The following CCDC197 variants were observed in gnomAD, a reference collection of about 807,000 sequenced individuals.
CCDC197 encodes coiled-coil domain containing 197.
In CCDC197, 24 loss-of-function variants were observed where a neutral mutation model predicts 13.4. The ratio of observed to expected loss-of-function variants is 1.80; its 90% CI spans 1.30 to 2.53. The LOEUF is 2.53. CCDC197 is among the 30% of genes most tolerant of loss of function. The probability of loss-of-function intolerance (pLI) is 0.00; values close to 1 mark genes in which losing one functional copy is unlikely to be tolerated. For missense variants in CCDC197, 255 were observed against 148.8 expected (o/e 1.71, Z -3.71); for synonymous variants, 99 against 55.5 (o/e 1.78, Z -3.48).
At chr14:93,990,023 C>G (rs1246251655) in intron 1 of CCDC197, among the ~76,000 whole-genome samples, 1 of 152,210 alleles carries the variant, frequency 6.6e-6, no homozygotes, top group Non-Finnish European at 1.5e-5. Flanking sequence ...CCTCTGTTCT[C>G]TATTCCCATT....
At position 93,999,645 on chromosome 14, in the gene CCDC197, T is replaced by C. The variant is rs1890431206; in HGVS notation, c.167T>C (p.Val56Ala). 2.6e-6 allele frequency: 2 copies of C among 780,848 alleles called. No individual in the cohort carries two copies. Among genetic ancestry groups the C allele is most frequent in the Non-Finnish European group, 4.8e-6 (2 of 418,118 alleles). The allele number at this position is 780,848 out of a possible 1,614,324, so 48.4% of individuals were successfully genotyped here. ...HKLFEDYLIK[V>A]LEKIPEGCTG... Reference sequence around the variant, plus strand: ...CTTTTTGAAGACTATCTGATTAAGGTCCTTGAGAAAATCCCCGAGGGTATG... The same window carrying C: ...CTTTTTGAAGACTATCTGATTAAGGCCCTTGAGAAAATCCCCGAGGGTATG... The change falls in exon 3 of 7, where the codon GTC (valine) becomes GCC (alanine). Residue 56 changes from valine to alanine, a missense_variant. By Grantham distance (64) the Val-to-Ala change is moderately conservative. Transcript: ENST00000636493.
chr14:94,010,257 G>A (rs1192937728), downstream of CCDC197, among the ~76,000 whole-genome samples: 1 of 152,210 alleles, frequency 6.6e-6, no homozygotes, highest in African/African-American at 2.4e-5. Flanking sequence ...AGGCTAGAGT[G>A]TAGTGGCACA....
Position 94,001,204 on chromosome 14 carries a change from G to A in CCDC197, c.247G>A (p.Gly83Arg), listed in dbSNP as rs377183179. 1.3e-5 allele frequency: 10 copies of A among 780,776 alleles called. No homozygotes were observed. The highest frequency in any genetic ancestry group is 2.2e-5 in the Non-Finnish European group (9 of 418,062). 48.4% of individuals were successfully genotyped at this position (780,776 alleles called of 1,614,324 possible). ...VLVEATVKHY[G>R]KLFTASQDTQ... is the part of the protein sequence containing the mutation. ...GGTGGAGGCCACGGTGAAGCACTACGGGAAGCTCTTCACAGCCAGCCAGGA... is the reference window on the plus strand; with the variant it reads ...GGTGGAGGCCACGGTGAAGCACTACAGGAAGCTCTTCACAGCCAGCCAGGA... The change falls in exon 4 of 7, where the codon GGG (glycine) becomes AGG (arginine). Residue 83 changes from glycine (G) to arginine (R), a missense_variant. Physicochemically the swap from Gly to Arg is moderately radical, Grantham distance 125 (BLOSUM62 -2). Transcript: ENST00000636493.
chr14:93,988,730 AGAGGGGTTGGGAGAGGGGTGGAAG>A (rs1405702529), intron 1 of CCDC197, among the ~76,000 whole-genome samples: 33 of 56,470 alleles, frequency 5.8e-4, no homozygotes, highest in African/African-American at 2.5e-3. Context: ...AGGGGATAGG[AGAGGGGTTGGGAGAGGGGTGGAAG>A]GAGGGGTTGG....
upstream of CCDC197, among the ~76,000 whole-genome samples, chr14:93,993,894 C>T (rs1890244270): frequency 6.6e-6 from 1 of 152,202 alleles, no homozygotes; most frequent in Admixed American, 6.5e-5. Flanking sequence ...GACCTGCGCC[C>T]CTCACCGCTG....
upstream of CCDC197, among the ~76,000 whole-genome samples, chr14:93,993,714 G>A (rs1890242382): frequency 6.6e-6 from 1 of 152,220 alleles, no homozygotes; most frequent in Non-Finnish European, 1.5e-5. Flanking sequence ...CCAGCCCCAG[G>A]AGTCCTTGTT....
chr14:93,990,761 A>G (rs1890196010), intron 1 of CCDC197, among the ~76,000 whole-genome samples: 1 of 152,228 alleles, frequency 6.6e-6, no homozygotes, highest in Non-Finnish European at 1.5e-5. Context: ...TTGGGGCAGA[A>G]AAAGGCCACA....
At chr14:94,010,131 C>T (rs563657123), downstream of CCDC197, among the ~76,000 whole-genome samples, 2 of 152,198 alleles carry the variant, frequency 1.3e-5, no homozygotes, top group Non-Finnish European at 2.9e-5. Flanking sequence ...GAAAGATACA[C>T]GGAAGAAGGA....
In CCDC197 at chr14:94,003,422, T is replaced by A. The variant is rs922182544; in HGVS notation, c.498+68T>A. 1.8e-5 allele frequency: 12 copies of A among 669,788 alleles called. No homozygotes were observed. The highest frequency in any genetic ancestry group is 3.3e-5 in the Non-Finnish European group (12 of 364,554). The allele number at this position is 669,788 out of a possible 1,614,324, so 41.5% of individuals were successfully genotyped here. A position where few individuals can be genotyped will look rare whatever the true frequency, so the allele number is the denominator to read the frequency against. The stretch of plus-strand genomic sequence containing the variant: ...GAAGGGGAAGCTGATGTCTCCATCA[T>A]CAATCCCAAAACACACAGACACATA... On this transcript the variant is annotated intron_variant, in intron 5 of 6. Transcript: ENST00000636493. The surrounding 1 kb of genome is among the most constrained non-coding windows in gnomAD (Gnocchi z 5.0).
In CCDC197 at chr14:94,001,340, G is replaced by A. The variant is rs926193382; in HGVS notation, c.366+17G>A. 20 of 750,454 alleles carry A rather than the reference G, an allele frequency of 2.7e-5. No individual in the cohort carries two copies. The highest frequency in any genetic ancestry group is 4.7e-5 in the Non-Finnish European group (19 of 401,490). 46.5% of individuals were successfully genotyped at this position (750,454 alleles called of 1,614,324 possible). On this transcript the variant is annotated intron_variant, in intron 4 of 6. Coordinates refer to ENST00000636493, the MANE Select transcript of CCDC197 (RefSeq NM_001351596.2). ...CTCATGTTGGTAACAGCTGCTTGAA[G>A]TCTGCTCCATTCCCCGTGGCCCAGG... is the stretch of plus-strand genomic sequence containing the variant.
At chr14:94,008,944 G>A (rs932459323), downstream of CCDC197, 6 of 597,376 alleles carry the variant, frequency 1.0e-5, no homozygotes, top group East Asian at 1.7e-4. Flanking sequence ...AGGGTCCTGG[G>A]CTCAGCTAGG....
At chr14:93,996,719 G>C (rs1232754200), upstream of CCDC197, among the ~76,000 whole-genome samples, 1 of 152,042 alleles carries the variant, frequency 6.6e-6, no homozygotes, top group African/African-American at 2.4e-5. Flanking sequence ...GAGGGGGAAG[G>C]CCAGGCCAGC....
chr14:94,008,995 T>C (rs1244456972), downstream of CCDC197: 12 of 554,214 alleles, frequency 2.2e-5, no homozygotes, highest in Non-Finnish European at 3.9e-5. Flanking sequence ...TTGGCAGGGA[T>C]CCAGGTAAGG....
At chr14:94,011,408 C>T (rs1010649954), downstream of CCDC197, among the ~76,000 whole-genome samples, 4 of 152,228 alleles carry the variant, frequency 2.6e-5, no homozygotes, top group Non-Finnish European at 2.9e-5. Context: ...GGCCACCAGT[C>T]GACATTTGCA....
chr14:93,987,646 C>T (rs1454362556), intron 1 of CCDC197, among the ~76,000 whole-genome samples: 1 of 152,184 alleles, frequency 6.6e-6, no homozygotes, highest in Non-Finnish European at 1.5e-5. Flanking sequence ...CCTCTTCCCT[C>T]CACTCTCTGG....
chr14:93,987,734 T>C (rs1178695653), intron 1 of CCDC197, among the ~76,000 whole-genome samples: 1 of 152,032 alleles, frequency 6.6e-6, no homozygotes, highest in Non-Finnish European at 1.5e-5. Flanking sequence ...GGAGTGAGGC[T>C]TCAAAGAGGT....
upstream of CCDC197, among the ~76,000 whole-genome samples, chr14:93,993,630 G>A (rs915308153): frequency 1.3e-5 from 2 of 152,240 alleles, no homozygotes; most frequent in African/African-American, 4.8e-5. Flanking sequence ...AGAGCAGATG[G>A]GGTGAATTCT....
chr14:94,010,664 G>C (rs562947643), downstream of CCDC197, among the ~76,000 whole-genome samples: 35 of 152,320 alleles, frequency 2.3e-4, no homozygotes, highest in Middle Eastern at 3.4e-3. Flanking sequence ...GCCGGAGTAG[G>C]GACTTGCATT....
intron 1 of CCDC197, among the ~76,000 whole-genome samples, chr14:93,992,197 T>G (rs1890224924): frequency 6.6e-6 from 1 of 152,078 alleles, no homozygotes; most frequent in South Asian, 2.1e-4. Flanking sequence ...TAAGACGAGC[T>G]CTCTCTGGCT....
Sources: gnomAD v4.1 joint callset for allele counts (sites outside exome capture counted in the v4.1 genomes callset) on GRCh38, gnomAD v4.1.1 for gene constraint, Gnocchi (gnomAD v3.1) non-coding constraint, MANE v1.5 for transcripts, NCBI Gene and HGNC (gene_info 2026-07-23, HGNC 2026-07-21) for gene names.